Variants in TMEM165 observed in about 807,000 individuals in gnomAD.
TMEM165 encodes the protein transmembrane protein 165.
TMEM165 carries 19 observed loss-of-function variants against 30.0 expected under a neutral mutation model. That is an observed-to-expected ratio of 0.63 (90% CI 0.44 to 0.93). TMEM165 has a LOEUF of 0.93. Among genes scored for constraint, TMEM165 ranks in the 40% least tolerant of loss-of-function variants. TMEM165 has a pLI of 0.00. For synonymous variants in TMEM165, 168 were observed against 162.9 expected, an observed-to-expected ratio of 1.03 and a Z score of -0.24; for missense variants, 340 against 417.0, an observed-to-expected ratio of 0.82 and a Z score of 1.61.
At chr4:55,412,634 A>G (rs1420953279) in intron 2 of TMEM165, 1 of 152,092 alleles carries the variant, frequency 6.6e-6, no homozygotes, top group Non-Finnish European at 1.5e-5. Context: ...AATTTATTAC[A>G]AAGCTGGTCC....
At chr4:55,399,035 G>A (rs955672493) in intron 1 of TMEM165, 1 of 152,068 alleles carries the variant, frequency 6.6e-6, no homozygotes, top group Non-Finnish European at 1.5e-5. Context: ...TGTTGGTTTA[G>A]ACAGTTTATT....
intron 2 of TMEM165, among the ~76,000 whole-genome samples, chr4:55,414,198 A>T (rs1417151592): frequency 6.6e-6 from 1 of 150,656 alleles, no homozygotes; most frequent in Non-Finnish European, 1.5e-5. Context: ...TCAACCCGGG[A>T]GGCAGAGCTT....
At chr4:55,422,181 C>T (rs1272576671) in intron 4 of TMEM165, among the ~76,000 whole-genome samples, 1 of 152,212 alleles carries the variant, frequency 6.6e-6, no homozygotes, top group Admixed American at 6.5e-5. Flanking sequence ...CCTTCTTTCT[C>T]TGTCCTTCCT....
rs145094425 is a variant in TMEM165, at chr4:55,411,868, C to T, written c.433+29C>T. ...AGTGTGCTTTTCCCTCTCATGAGTT[C>T]GCTGAATTAAAGGGAAAGCGTGTTG... On this transcript the variant is annotated intron_variant, in intron 2 of 5. Transcript: ENST00000381334. 5.6e-4 allele frequency: 892 copies of T among 1,600,564 alleles called. 5 individuals are homozygous for T. In the African/African-American group the frequency reaches 0.011, roughly 19 times the overall value.
At chr4:55,425,123 GTC>G (rs917609367) in intron 5 of TMEM165, among the ~76,000 whole-genome samples, 3 of 152,198 alleles carry the variant, frequency 2.0e-5, no homozygotes, top group Non-Finnish European at 4.4e-5. Context: ...TGCCAGCACT[GTC>G]TGGATTTAAT....
intron 4 of TMEM165, among the ~76,000 whole-genome samples, chr4:55,419,513 A>G (rs1721878308): frequency 6.6e-6 from 1 of 152,154 alleles, no homozygotes; most frequent in African/African-American, 2.4e-5. Flanking sequence ...TATTTAAAAC[A>G]TGCCCATTGG....
chr4:55,442,238 T>G, intron 3 of TMEM165: 1 of 581,592 alleles, frequency 1.7e-6, no homozygotes, highest in Non-Finnish European at 3.0e-6. Flanking sequence ...GAAAAAAAAT[T>G]TGTTGTTACC....
chr4:55,412,037 C>T lies in TMEM165; in HGVS notation c.433+198C>T. ...TTTGTACCCCCTCTCGCATAGTTGTCTGAAATTTTTCATCTTCAATTTAAG... is the reference window on the plus strand; with the variant it reads ...TTTGTACCCCCTCTCGCATAGTTGTTTGAAATTTTTCATCTTCAATTTAAG... On this transcript the variant is annotated intron_variant, in intron 2 of 5. Transcript: ENST00000381334. 3 of 627,102 alleles carry T rather than the reference C, an allele frequency of 4.8e-6. No individual in the cohort carries two copies. In the East Asian group the frequency reaches 8.3e-5, roughly 17 times the overall value. 38.8% of individuals were successfully genotyped at this position (627,102 alleles called of 1,614,324 possible). A position where few individuals can be genotyped will look rare whatever the true frequency, so the allele number is the denominator to read the frequency against.
intron 1 of TMEM165, among the ~76,000 whole-genome samples, chr4:55,407,236 G>T (rs761013219): frequency 2.0e-5 from 3 of 152,050 alleles, no homozygotes; most frequent in African/African-American, 2.4e-5. Flanking sequence ...AGGTGGGAAG[G>T]GAAAAAGGAC....
intron 1 of TMEM165, 152 bp from the exon 2 acceptor site, chr4:55,411,462 C>A: frequency 1.5e-6 from 1 of 667,038 alleles, no homozygotes; most frequent in Non-Finnish European, 2.5e-6. Flanking sequence ...CAGAGGTTAC[C>A]GTCGTTACTG....
At chr4:55,397,635 C>G (rs375376878) in intron 1 of TMEM165, among the ~76,000 whole-genome samples, 2 of 151,910 alleles carry the variant, frequency 1.3e-5, no homozygotes, top group Non-Finnish European at 2.9e-5. Context: ...CCTTTCCTTT[C>G]CTTTCCTCTC....
intron 2 of TMEM165, 151 bp downstream of exon 2, chr4:55,411,990 CT>C (rs1387042945): frequency 1.5e-6 from 1 of 680,930 alleles, no homozygotes; most frequent in Non-Finnish European, 2.6e-6. Flanking sequence ...GTATCCTTTC[CT>C]TGTGTATCCT....
intron 3 of TMEM165, among the ~76,000 whole-genome samples, chr4:55,439,845 G>A (rs1380449663): frequency 1.3e-5 from 2 of 152,136 alleles, no homozygotes; most frequent in African/African-American, 4.8e-5. Context: ...TGGTTGGGGA[G>A]AGAAGAATGG....
At chr4:55,409,916 AT>A (rs1222699662) in intron 1 of TMEM165, among the ~76,000 whole-genome samples, 15 of 152,254 alleles carry the variant, frequency 9.9e-5, no homozygotes. Context: ...GATTGGATAG[AT>A]TCACTTAAAA....
chr4:55,397,895 G>A (rs1720796303), intron 1 of TMEM165, among the ~76,000 whole-genome samples: 1 of 139,482 alleles, frequency 7.2e-6, no homozygotes, highest in African/African-American at 2.6e-5. Context: ...TGACACGCCC[G>A]GCTAATTTTT....
chr4:55,412,073 G>T (rs1335058497), intron 2 of TMEM165: 1 of 576,628 alleles, frequency 1.7e-6, no homozygotes, highest in Admixed American at 3.1e-5. Flanking sequence ...GAATTGCAAA[G>T]ATCTAATTTC....
chr4:55,398,358 G>A (rs1720817647), intron 1 of TMEM165, among the ~76,000 whole-genome samples: 1 of 152,112 alleles, frequency 6.6e-6, no homozygotes. Context: ...ACAACAGCAC[G>A]TTAAACAGGT....
At chr4:55,436,335 GT>G (rs1161397507) in intron 3 of TMEM165, among the ~76,000 whole-genome samples, 1 of 152,166 alleles carries the variant, frequency 6.6e-6, no homozygotes, top group Non-Finnish European at 1.5e-5. Context: ...CTGCATTTGA[GT>G]TTTGCTCTGC....
chr4:55,451,002 T>C (rs1259135473), intron 3 of TMEM165, among the ~76,000 whole-genome samples: 3 of 151,796 alleles, frequency 2.0e-5, no homozygotes, highest in African/African-American at 7.3e-5. Flanking sequence ...CAGCTCATTC[T>C]CATCAGTATA....
Sources: allele counts gnomAD v4.1 joint callset (sites outside exome capture counted in the v4.1 genomes callset), GRCh38; gene constraint gnomAD v4.1.1; transcripts MANE v1.5; gene names NCBI Gene and HGNC (gene_info 2026-07-23, HGNC 2026-07-21).